The following TRAPPC9 variants were observed in gnomAD, a reference collection of about 807,000 sequenced individuals.
TRAPPC9 encodes the protein trafficking protein particle complex subunit 9.
In TRAPPC9, 83 loss-of-function variants were observed where a neutral mutation model predicts 124.0. That is an observed-to-expected ratio of 0.67 (90% CI 0.56 to 0.80). The LOEUF (loss-of-function observed/expected upper bound fraction) is 0.80, where lower values mean the gene tolerates loss of function less well. Ranked by LOEUF, TRAPPC9 falls within the 30% of genes least tolerant of loss-of-function variation. The probability of loss-of-function intolerance (pLI) is 0.00; values close to 1 mark genes in which losing one functional copy is unlikely to be tolerated. For missense variants in TRAPPC9, 1,302 were observed against 1,508.3 expected (o/e 0.86, Z 2.27); for synonymous variants, 638 against 617.5 (o/e 1.03, Z -0.49).
intron 21 of TRAPPC9, among the ~76,000 whole-genome samples, chr8:139,866,925 C>T (rs1008296667): frequency 6.6e-6 from 1 of 152,326 alleles, no homozygotes; most frequent in East Asian, 1.9e-4. Context: ...ATCTCCACCT[C>T]TCAGGGTCAA....
At chr8:140,271,864 A>G (rs567548158) in intron 15 of TRAPPC9, among the ~76,000 whole-genome samples, 31 of 152,316 alleles carry the variant, frequency 2.0e-4, no homozygotes, top group Admixed American at 9.1e-4. Flanking sequence ...CCTCATGACA[A>G]CTCTACAAAG....
intron 19 of TRAPPC9, among the ~76,000 whole-genome samples, chr8:139,910,600 G>A (rs573025746): frequency 6.6e-6 from 1 of 152,322 alleles, no homozygotes; most frequent in South Asian, 2.1e-4. Flanking sequence ...GAAAGAACCA[G>A]TGTGCCATAG....
chr8:140,124,631 C>T (rs565066489), intron 17 of TRAPPC9, among the ~76,000 whole-genome samples: 62 of 152,330 alleles, frequency 4.1e-4, no homozygotes, highest in Admixed American at 1.4e-3. Context: ...AAATCACAAA[C>T]CCAAGCCTGA....
intron 21 of TRAPPC9, among the ~76,000 whole-genome samples, chr8:139,833,677 A>G (rs1325743869): frequency 6.6e-6 from 1 of 152,242 alleles, no homozygotes; most frequent in East Asian, 1.9e-4. Context: ...CAGGCAGGAA[A>G]GAGGCATTTC....
At chr8:140,068,839 G>A (rs997955892) in intron 17 of TRAPPC9, among the ~76,000 whole-genome samples, 2 of 152,210 alleles carry the variant, frequency 1.3e-5, no homozygotes, top group African/African-American at 4.8e-5. Flanking sequence ...CCTGAATTAT[G>A]CATGAACCTT....
rs2131761695 is a variant in TRAPPC9 at position 140,291,032 on chromosome 8, T to C, written c.1815A>G (p.Val605=). Residue 605 remains valine (V), a synonymous_variant, in exon 12 of 23, where the codon GTA becomes GTG. Coordinates refer to ENST00000438773, the MANE Select transcript of TRAPPC9 (RefSeq NM_001160372.4). Reference sequence around the variant, plus strand: ...GAAGTTCAAACGGCATTGGGTTATATACCATCAGCTGAACTTCACACACAT... The same window carrying C: ...GAAGTTCAAACGGCATTGGGTTATACACCATCAGCTGAACTTCACACACAT... ...QGDVCEVQLM[V]YNPMPFELRV... 1.9e-6 allele frequency: 3 copies of C among 1,614,258 alleles called. No individual in the cohort carries two copies. The highest frequency in any genetic ancestry group is 2.5e-6 in the Non-Finnish European group (3 of 1,180,044).
At chr8:140,141,368 A>G (rs1478704129) in intron 17 of TRAPPC9, among the ~76,000 whole-genome samples, 1 of 151,868 alleles carries the variant, frequency 6.6e-6, no homozygotes, top group Non-Finnish European at 1.5e-5. Context: ...CACTGTAGAC[A>G]CTCTCGACCC....
intron 4 of TRAPPC9, among the ~76,000 whole-genome samples, chr8:140,427,641 G>A (rs1009148002): frequency 9.9e-5 from 15 of 152,122 alleles, no homozygotes; most frequent in South Asian, 6.2e-4. Context: ...GGTTCCAAGA[G>A]TCATGTTTAT....
intron 9 of TRAPPC9, among the ~76,000 whole-genome samples, chr8:140,352,785 G>T (rs1451455450): frequency 9.9e-5 from 15 of 152,076 alleles, no homozygotes; most frequent in Admixed American, 9.2e-4. Flanking sequence ...TCTTGGAAAA[G>T]AATCACATCC....
At chr8:139,822,342 C>G (rs1332384356) in intron 21 of TRAPPC9, among the ~76,000 whole-genome samples, 1 of 152,200 alleles carries the variant, frequency 6.6e-6, no homozygotes, top group Non-Finnish European at 1.5e-5. Flanking sequence ...CCACAGCCTT[C>G]TAAGGCATGG....
At chr8:140,444,270 G>A (rs1588368993) in intron 2 of TRAPPC9, among the ~76,000 whole-genome samples, 2 of 151,906 alleles carry the variant, frequency 1.3e-5, no homozygotes, top group East Asian at 1.9e-4. Context: ...TCATAAGAGG[G>A]TTTTGTTTTG....
chr8:139,893,921 G>T (rs1205458601), intron 20 of TRAPPC9, among the ~76,000 whole-genome samples: 2 of 152,254 alleles, frequency 1.3e-5, no homozygotes, highest in African/African-American at 4.8e-5. Flanking sequence ...TCACAGAGCG[G>T]AACTCCTCCC....
At chr8:140,351,500 G>A (rs1329386208) in intron 9 of TRAPPC9, among the ~76,000 whole-genome samples, 2 of 152,042 alleles carry the variant, frequency 1.3e-5, no homozygotes, top group Non-Finnish European at 2.9e-5. Flanking sequence ...TGGGTGTGGT[G>A]GCTCATGCCT....
chr8:140,141,143 T>TTA (rs1401233137), intron 17 of TRAPPC9, among the ~76,000 whole-genome samples: 2 of 152,238 alleles, frequency 1.3e-5, no homozygotes, highest in African/African-American at 4.8e-5. Context: ...TAAGTCTACT[T>TTA]ATTAGACTAT....
chr8:139,747,182 A>G (rs144217828), intron 21 of TRAPPC9, among the ~76,000 whole-genome samples: 8 of 152,216 alleles, frequency 5.3e-5, no homozygotes, highest in African/African-American at 1.9e-4. Flanking sequence ...CTCGCCACCC[A>G]GGCAGGCCCC....
At chr8:140,423,216 C>T (rs997373618) in intron 5 of TRAPPC9, among the ~76,000 whole-genome samples, 3 of 152,032 alleles carry the variant, frequency 2.0e-5, no homozygotes, top group Non-Finnish European at 4.4e-5. Context: ...GAGGCAGGAT[C>T]ACCTGAGGTC....
At chr8:140,162,361 G>C (rs142964516) in intron 17 of TRAPPC9, among the ~76,000 whole-genome samples, 4 of 152,102 alleles carry the variant, frequency 2.6e-5, no homozygotes, top group Non-Finnish European at 5.9e-5. Context: ...TCCACATGCT[G>C]CTTGCGTGGA....
chr8:139,914,392 G>C (rs1285906797), intron 19 of TRAPPC9, among the ~76,000 whole-genome samples: 1 of 152,258 alleles, frequency 6.6e-6, no homozygotes, highest in African/African-American at 2.4e-5. Context: ...ACCTATTGCA[G>C]TCATCTTCCA....
chr8:139,843,229 T>G (rs1446855013), intron 21 of TRAPPC9, among the ~76,000 whole-genome samples: 2 of 152,228 alleles, frequency 1.3e-5, no homozygotes, highest in Non-Finnish European at 2.9e-5. Flanking sequence ...CAGAGACCAC[T>G]GGCCTCGTTT....
Sources: allele counts gnomAD v4.1 joint callset (sites outside exome capture counted in the v4.1 genomes callset), GRCh38; gene constraint gnomAD v4.1.1; transcripts MANE v1.5; gene names NCBI Gene and HGNC (gene_info 2026-07-23, HGNC 2026-07-21).